EPHA5: variants seen among roughly 807,000 people sequenced by gnomAD.
The protein encoded by EPHA5 is EPH receptor A5.
In EPHA5, 60 loss-of-function variants were observed where a neutral mutation model predicts 105.0. That is an observed-to-expected ratio of 0.57 (90% CI 0.46 to 0.71). The LOEUF is 0.71. Ranked by LOEUF, EPHA5 falls within the 30% of genes least tolerant of loss-of-function variation. EPHA5 has a pLI of 0.00. For synonymous variants in EPHA5, 513 were observed against 449.1 expected (o/e 1.14, Z -1.80); for missense variants, 1,218 against 1,274.7 (o/e 0.96, Z 0.68).
At chr4:65,597,893 C>G (rs1019921879) in intron 3 of EPHA5, among the ~76,000 whole-genome samples, 8 of 152,112 alleles carry the variant, frequency 5.3e-5, no homozygotes, top group Non-Finnish European at 1.5e-5. Context: ...AGCTGCCTAG[C>G]ATTCTGAATC....
chr4:65,399,069 G>A (rs1030396360), intron 8 of EPHA5, among the ~76,000 whole-genome samples: 2 of 152,106 alleles, frequency 1.3e-5, no homozygotes, highest in Non-Finnish European at 2.9e-5. Flanking sequence ...AACCCTTTGG[G>A]GAGCCCAGAC....
rs1303063743 is a variant in EPHA5, at chr4:65,321,194, A to G, written c.*2920T>C. On this transcript the variant is annotated 3_prime_UTR_variant, in exon 17 of 17. Transcript: ENST00000613740. ...GACTCATGCCCCTTAAGATATTGCT[A>G]CTGGCAATTACAATAAGATTATGTA... 3 of 230,644 alleles carry G rather than the reference A, an allele frequency of 1.3e-5. No individual in the cohort carries two copies. The highest frequency in any genetic ancestry group is 2.2e-5 in the African/African-American group (1 of 45,172). 14.3% of individuals were successfully genotyped at this position (230,644 alleles called of 1,614,324 possible).
At chr4:65,408,224 A>G (rs1330485646) in intron 7 of EPHA5, among the ~76,000 whole-genome samples, 2 of 152,130 alleles carry the variant, frequency 1.3e-5, no homozygotes, top group African/African-American at 2.4e-5. Flanking sequence ...TGGTTTGTTT[A>G]GGAGTGAGAA....
chr4:65,648,135 A>C (rs188851825), intron 1 of EPHA5, among the ~76,000 whole-genome samples: 1 of 152,340 alleles, frequency 6.6e-6, no homozygotes, highest in Non-Finnish European at 1.5e-5. Context: ...AAGGAGAGCA[A>C]AGAGCAAATA....
At chr4:65,341,173 A>G (rs763796448) in intron 14 of EPHA5, among the ~76,000 whole-genome samples, 2 of 152,158 alleles carry the variant, frequency 1.3e-5, no homozygotes, top group Non-Finnish European at 2.9e-5. Flanking sequence ...TGTCAGTCAT[A>G]GCCATGCAGG....
rs574870800 is a variant in EPHA5 at position 65,574,369 on chromosome 4, A to T, written c.910+27272T>A. 5.7e-4 allele frequency: 514 copies of T among 902,820 alleles called. 1 individual carries two copies. Among genetic ancestry groups the T allele is most frequent in the East Asian group, 1.5e-3 (45 of 30,562 alleles). 55.9% of individuals were successfully genotyped at this position (902,820 alleles called of 1,614,324 possible). ...AATTAAATAGCTGACTACAAAAAAAAAATAATAATAATAAAAAATAAAAAA... is the reference window on the plus strand; with the variant it reads ...AATTAAATAGCTGACTACAAAAAAATAATAATAATAATAAAAAATAAAAAA... On this transcript the variant is annotated intron_variant, in intron 3 of 16. Coordinates refer to ENST00000613740, the MANE Select transcript of EPHA5 (RefSeq NM_001281766.3).
In EPHA5 at chr4:65,324,059, G is replaced by T; in HGVS notation, c.*55C>A. 1.7e-6 allele frequency: 2 copies of T among 1,153,426 alleles called. No individual in the cohort carries two copies. Among genetic ancestry groups the T allele is most frequent in the Non-Finnish European group, 2.6e-6 (2 of 770,566 alleles). 71.4% of individuals were successfully genotyped at this position (1,153,426 alleles called of 1,614,324 possible). A position where few individuals can be genotyped will look rare whatever the true frequency, so the allele number is the denominator to read the frequency against. On this transcript the variant is annotated 3_prime_UTR_variant, in exon 17 of 17. Coordinates refer to ENST00000613740, the MANE Select transcript of EPHA5 (RefSeq NM_001281766.3). ...CCTTTTTTTGTTAAAATAAATCTCA[G>T]TGCTGTTTACAAAGTGCAGAATCAT...
chr4:65,655,349 G>T (rs1200179108), intron 1 of EPHA5, among the ~76,000 whole-genome samples: 1 of 151,790 alleles, frequency 6.6e-6, no homozygotes, highest in Non-Finnish European at 1.5e-5. Flanking sequence ...ACAAAATCAG[G>T]ACATTAGGTA....
At chr4:65,539,559 G>A (rs1736621103) in intron 3 of EPHA5, among the ~76,000 whole-genome samples, 3 of 151,462 alleles carry the variant, frequency 2.0e-5, no homozygotes, top group Admixed American at 1.3e-4. Flanking sequence ...ACAAGTGAAG[G>A]GTATGTTCCA....
At chr4:65,348,826 T>TTTTTG in intron 13 of EPHA5, among the ~76,000 whole-genome samples, 1 of 124,510 alleles carries the variant, frequency 8.0e-6, no homozygotes. Flanking sequence ...TTTTTTTTTT[T>TTTTTG]TTTTTTTGAG....
intron 5 of EPHA5, among the ~76,000 whole-genome samples, chr4:65,479,829 A>G (rs1730182353): frequency 6.6e-6 from 1 of 152,184 alleles, no homozygotes; most frequent in Non-Finnish European, 1.5e-5. Context: ...TAAATAAAAA[A>G]CATATGCGTA....
At chr4:65,379,248 C>T (rs1018370109) in intron 8 of EPHA5, among the ~76,000 whole-genome samples, 4 of 145,532 alleles carry the variant, frequency 2.7e-5, no homozygotes, top group African/African-American at 1.0e-4. Flanking sequence ...AAAAAATAAG[C>T]TTTGTGTCTT....
At chr4:65,495,709 T>C (rs1270213821) in intron 3 of EPHA5, among the ~76,000 whole-genome samples, 166 bp from the exon 4 acceptor site, 2 of 152,216 alleles carry the variant, frequency 1.3e-5, no homozygotes, top group Non-Finnish European at 2.9e-5. Flanking sequence ...TACCAGGCTA[T>C]TCATTCAAAT....
chr4:65,530,911 A>G (rs1252045835), intron 3 of EPHA5, among the ~76,000 whole-genome samples: 3 of 152,194 alleles, frequency 2.0e-5, no homozygotes, highest in Non-Finnish European at 4.4e-5. Context: ...AGGTGGAGAG[A>G]ATTCAATGAG....
intron 11 of EPHA5, among the ~76,000 whole-genome samples, chr4:65,360,263 A>G (rs1717146796): frequency 6.6e-6 from 1 of 151,722 alleles, no homozygotes; most frequent in Non-Finnish European, 1.5e-5. Flanking sequence ...AACTCTATAA[A>G]GGCAGAAACT....
At chr4:65,472,328 G>A (rs1729366893) in intron 5 of EPHA5, among the ~76,000 whole-genome samples, 1 of 152,170 alleles carries the variant, frequency 6.6e-6, no homozygotes. Context: ...TCCAGATACA[G>A]GGTGCAAATT....
At chr4:65,462,016 A>C (rs1355906552) in intron 5 of EPHA5, among the ~76,000 whole-genome samples, 1 of 152,144 alleles carries the variant, frequency 6.6e-6, no homozygotes, top group Admixed American at 6.6e-5. Flanking sequence ...TTAGATTATA[A>C]AGAGATAGTA....
intron 2 of EPHA5, among the ~76,000 whole-genome samples, chr4:65,603,946 T>C (rs1743978036): frequency 6.6e-6 from 1 of 152,116 alleles, no homozygotes; most frequent in Non-Finnish European, 1.5e-5. Context: ...TTATGATCAA[T>C]ATTTCATGCA....
chr4:65,435,977 T>A (rs566764342), intron 5 of EPHA5, among the ~76,000 whole-genome samples: 1 of 152,074 alleles, frequency 6.6e-6, no homozygotes, highest in Non-Finnish European at 1.5e-5. Context: ...TATTATAATG[T>A]TACAGTTAAA....
Sources: allele counts gnomAD v4.1 joint callset (sites outside exome capture counted in the v4.1 genomes callset), GRCh38; gene constraint gnomAD v4.1.1; transcripts MANE v1.5; gene names NCBI Gene and HGNC (gene_info 2026-07-23, HGNC 2026-07-21).